The following DPP6 variants were observed in gnomAD, a reference collection of about 807,000 sequenced individuals.
DPP6 encodes A-type potassium channel modulatory protein DPP6.
A neutral mutation model predicts 122.6 loss-of-function variants in DPP6; 69 were observed. The observed-to-expected ratio is 0.56, with a 90% CI of 0.46 to 0.69. The LOEUF (loss-of-function observed/expected upper bound fraction) is 0.69. DPP6 is among the 30% of genes least tolerant of loss of function. DPP6 has a pLI of 0.00. For synonymous variants in DPP6, 418 were observed against 433.1 expected (o/e 0.97, Z 0.43); for missense variants, 928 against 1,116.9 (o/e 0.83, Z 2.41).
chr7:154,136,734 A>G (rs1585458246), intron 1 of DPP6, among the ~76,000 whole-genome samples: 1 of 152,352 alleles, frequency 6.6e-6, no homozygotes, highest in East Asian at 1.9e-4. Context: ...AATGTTAATA[A>G]TAGAACCTTG....
At chr7:154,650,409 TG>T (rs2130988938) in intron 6 of DPP6, among the ~76,000 whole-genome samples, 1 of 152,256 alleles carries the variant, frequency 6.6e-6, no homozygotes, top group African/African-American at 2.4e-5. Context: ...GGCTCTGGGC[TG>T]GGTCTGTCTG....
intron 1 of DPP6, among the ~76,000 whole-genome samples, chr7:154,153,852 G>C (rs3111959): frequency 0.65 from 98,721 of 150,732 alleles, 33,411 homozygotes; most frequent in African/African-American, 0.84. Flanking sequence ...TTTGCTGACT[G>C]CCGCCATTGT....
At chr7:154,776,746 T>C (rs1179103351) in intron 10 of DPP6, among the ~76,000 whole-genome samples, 4 of 152,198 alleles carry the variant, frequency 2.6e-5, no homozygotes, top group African/African-American at 9.7e-5. Flanking sequence ...CAAAACTTAC[T>C]TGCTATTTAG....
At chr7:154,306,962 G>A (rs1441738604) in intron 1 of DPP6, among the ~76,000 whole-genome samples, 1 of 152,092 alleles carries the variant, frequency 6.6e-6, no homozygotes, top group African/African-American at 2.4e-5. Flanking sequence ...TTTTATTACA[G>A]TTCTCCTCCC....
chr7:154,756,786 C>T (rs71534167), intron 8 of DPP6, among the ~76,000 whole-genome samples: 17,650 of 152,098 alleles, frequency 0.12, 1,176 homozygotes, highest in Admixed American at 0.18. Flanking sequence ...ATTCAGCTCG[C>T]GAGATATTCC....
intron 5 of DPP6, among the ~76,000 whole-genome samples, chr7:154,567,166 G>T (rs1285363866): frequency 6.6e-6 from 1 of 152,124 alleles, no homozygotes; most frequent in Non-Finnish European, 1.5e-5. Flanking sequence ...AGGATGGTAA[G>T]AACTTGTCTC....
intron 7 of DPP6, among the ~76,000 whole-genome samples, chr7:154,696,698 A>C (rs1340618329): frequency 6.6e-6 from 1 of 152,172 alleles, no homozygotes; most frequent in Admixed American, 6.5e-5. Flanking sequence ...TCTAATATGG[A>C]TATCAACATA....
the DPP6 span, among the ~76,000 whole-genome samples, chr7:153,858,456 G>T: frequency 6.6e-6 from 1 of 152,146 alleles, no homozygotes; most frequent in Non-Finnish European, 1.5e-5. Flanking sequence ...CGGGACTCTT[G>T]TTCTTGACTT....
At chr7:154,345,503 G>A (rs1810320240) in intron 1 of DPP6, among the ~76,000 whole-genome samples, 1 of 152,052 alleles carries the variant, frequency 6.6e-6, no homozygotes, top group African/African-American at 2.4e-5. Context: ...AAGTGGGGAG[G>A]AAGGCATCCT....
At chr7:154,038,195 C>T (rs374530468) in intron 1 of DPP6, among the ~76,000 whole-genome samples, 2 of 148,876 alleles carry the variant, frequency 1.3e-5, no homozygotes, top group Non-Finnish European at 2.9e-5. Flanking sequence ...TTGCCCATCT[C>T]GAGTGTTCCA....
At chr7:153,809,486 G>A in the DPP6 span, among the ~76,000 whole-genome samples, 1 of 152,200 alleles carries the variant, frequency 6.6e-6, no homozygotes, top group African/African-American at 2.4e-5. Context: ...CCCGCAAGCA[G>A]TTCGTAGTCT....
At chr7:154,887,925 C>A (rs889329953) in intron 23 of DPP6, among the ~76,000 whole-genome samples, 191 bp downstream of exon 23, 1 of 152,164 alleles carries the variant, frequency 6.6e-6, no homozygotes, top group Non-Finnish European at 1.5e-5. Context: ...AACATGGCCT[C>A]TCTGGGTTCC....
intron 3 of DPP6, among the ~76,000 whole-genome samples, chr7:154,500,983 G>T (rs1825188426): frequency 6.6e-6 from 1 of 152,186 alleles, no homozygotes; most frequent in Non-Finnish European, 1.5e-5. Context: ...AGGCTGAGGT[G>T]GTCTCAGACA....
intron 5 of DPP6, among the ~76,000 whole-genome samples, chr7:154,591,680 T>A (rs1306130373): frequency 2.0e-5 from 3 of 152,130 alleles, no homozygotes; most frequent in African/African-American, 7.2e-5. Flanking sequence ...TCAGCAGCAT[T>A]TCCACTGTCT....
intron 3 of DPP6, among the ~76,000 whole-genome samples, chr7:154,499,170 G>C (rs1333976401): frequency 6.6e-6 from 1 of 152,176 alleles, no homozygotes; most frequent in Non-Finnish European, 1.5e-5. Context: ...AGGACAGAAT[G>C]GGTTTGGGGC....
chr7:154,722,002 C>CAAA (rs34504657), intron 7 of DPP6, among the ~76,000 whole-genome samples: 1,830 of 128,598 alleles, frequency 0.014, 44 homozygotes, highest in African/African-American at 0.047. Context: ...CCATCTCTAC[C>CAAA]AAAAAAAAAA....
chr7:154,386,240 A>G (rs6464419), intron 1 of DPP6, among the ~76,000 whole-genome samples: 130,040 of 152,052 alleles, frequency 0.86, 55,845 homozygotes, highest in East Asian at 0.99. Context: ...ATCCTCTCGC[A>G]TTTCCAGTGC....
rs1213809462 is a variant in DPP6 at position 154,045,590 on chromosome 7, T to C, written c.51+157856T>C. Among the ~76,000 whole-genome samples the C allele has an allele frequency of 2.0e-5, 3 of 152,194 alleles. No individual in the cohort carries two copies. In the East Asian group the frequency reaches 5.8e-4, roughly 29 times the overall value. On this transcript the variant is annotated intron_variant, in intron 1 of 25. Coordinates refer to the DPP6 transcript ENST00000404039. ...CTTTGAAAGCCACTGTATGAGTAGATTAAAAATGCTACTTGGTGCTGCTAT... is the reference window on the plus strand; with the variant it reads ...CTTTGAAAGCCACTGTATGAGTAGACTAAAAATGCTACTTGGTGCTGCTAT...
intron 1 of DPP6, chr7:154,094,193 C>G (rs767407352): frequency 6.6e-6 from 1 of 152,166 alleles, no homozygotes. Context: ...AGATCATCCT[C>G]GGGCCAGTTA....
Sources: gnomAD v4.1 joint callset for allele counts (sites outside exome capture counted in the v4.1 genomes callset) on GRCh38, gnomAD v4.1.1 for gene constraint, MANE v1.5 for transcripts, NCBI Gene and HGNC (gene_info 2026-07-23, HGNC 2026-07-21) for gene names.